Variants in WWOX observed in about 807,000 individuals in gnomAD.
The protein encoded by WWOX is WW domain containing oxidoreductase.
WWOX carries 69 observed loss-of-function variants against 46.2 expected under a neutral mutation model. The observed-to-expected ratio is 1.49, with a 90% CI of 1.23 to 1.82. The LOEUF is 1.82. Among genes scored for constraint, WWOX ranks in the 40% most tolerant of loss-of-function variants. The pLI, the probability that WWOX is intolerant of heterozygous loss-of-function variation, is 0.00. For missense variants in WWOX, 919 were observed against 542.6 expected (o/e 1.69, Z -6.89); for synonymous variants, 359 against 202.6 (o/e 1.77, Z -6.56).
At chr16:78,659,478 T>C (rs925668245) in intron 8 of WWOX, among the ~76,000 whole-genome samples, 15 of 152,142 alleles carry the variant, frequency 9.9e-5, no homozygotes, top group African/African-American at 2.9e-4. Context: ...AATCTAGTTT[T>C]AGCCCTCCAG....
intron 8 of WWOX, among the ~76,000 whole-genome samples, chr16:78,440,204 G>C (rs530151932): frequency 2.6e-5 from 4 of 152,090 alleles, no homozygotes; most frequent in Admixed American, 2.0e-4. Flanking sequence ...AAATGCTATC[G>C]ATTTTATAGG....
At chr16:78,750,679 G>T (rs187710638) in intron 8 of WWOX, among the ~76,000 whole-genome samples, 1 of 151,862 alleles carries the variant, frequency 6.6e-6, no homozygotes, top group Non-Finnish European at 1.5e-5. Flanking sequence ...AGAGTCTATT[G>T]TTCCTGTCTT....
chr16:78,213,248 C>T (rs1451482867), intron 5 of WWOX, among the ~76,000 whole-genome samples: 2 of 98,426 alleles, frequency 2.0e-5, no homozygotes, highest in Non-Finnish European at 3.9e-5. Context: ...GAGACTGTAT[C>T]TCAAAAAAAA....
In WWOX at chr16:78,450,341, A is replaced by G. The variant is rs1275280095; in HGVS notation, c.1056+17589A>G. Among the ~76,000 whole-genome samples the G allele has an allele frequency of 2.0e-5, 3 of 152,212 alleles. No homozygotes were observed. In the East Asian group the frequency reaches 5.8e-4, roughly 29 times the overall value. On this transcript the variant is annotated intron_variant, in intron 8 of 8. Transcript: ENST00000566780. The stretch of plus-strand genomic sequence containing the variant: ...ATTCTTTAAGAAGCCAAAGTAATCC[A>G]CGAGAATGTATGGTGTTTGTTCAGC...
At chr16:78,921,582 A>G (rs1387249264) in intron 8 of WWOX, among the ~76,000 whole-genome samples, 1 of 152,188 alleles carries the variant, frequency 6.6e-6, no homozygotes, top group Non-Finnish European at 1.5e-5. Context: ...TCACATTCTC[A>G]TTTCACTGAT....
intron 5 of WWOX, among the ~76,000 whole-genome samples, chr16:78,235,305 G>T (rs1014272455): frequency 2.6e-5 from 4 of 152,140 alleles, no homozygotes; most frequent in African/African-American, 9.7e-5. Flanking sequence ...TTTTGGAGAG[G>T]ATGTGTCACT....
intron 5 of WWOX, chr16:78,237,559 G>T (rs2037483953): frequency 6.6e-6 from 1 of 152,232 alleles, no homozygotes; most frequent in Admixed American, 6.5e-5. Context: ...TCTGGGAGAG[G>T]CCCCTGGTTG....
rs61207788 is a variant in WWOX at position 78,410,805 on chromosome 16, C to CAA, written c.606-14043_606-14042dup. ...TGGGTGAAAGAGCAAGGCCCCACCT[C>CAA]AAAAAAAAAAAAAAAAAAAAAAAGT... On this transcript the variant is annotated intron_variant, in intron 6 of 8. Coordinates refer to ENST00000566780, the MANE Select transcript of WWOX (RefSeq NM_016373.4). Among the ~76,000 whole-genome samples, 380 of 74,736 alleles carry CAA rather than the reference C, an allele frequency of 5.1e-3. 3 individuals are homozygous for CAA. The highest frequency in any genetic ancestry group is 0.01 in the African/African-American group (265 of 26,118). The allele number at this position is 74,736 out of a possible 152,430, so 49.0% of individuals were successfully genotyped here. A position where few individuals can be genotyped will look rare whatever the true frequency, so the allele number is the denominator to read the frequency against.
intron 1 of WWOX, among the ~76,000 whole-genome samples, chr16:78,104,794 C>G (rs900039823): frequency 6.6e-6 from 1 of 152,112 alleles, no homozygotes; most frequent in Non-Finnish European, 1.5e-5. Context: ...AAAAAGTCTT[C>G]TATTGAAAGG....
chr16:78,228,684 A>G (rs1009996051), intron 5 of WWOX, among the ~76,000 whole-genome samples: 4 of 152,188 alleles, frequency 2.6e-5, no homozygotes, highest in African/African-American at 9.7e-5. Context: ...AGATGACTTA[A>G]AAATTCACCT....
chr16:79,177,247 T>G lies in WWOX; in HGVS notation c.1057-34361T>G, dbSNP rs980202753. 3.3e-5 allele frequency among the ~76,000 whole-genome samples: 5 copies of G among 152,176 alleles called. 1 individual carries two copies. The South Asian group carries it at 1.0e-3, about 32-fold the overall frequency. On this transcript the variant is annotated intron_variant, in intron 8 of 8. Transcript: ENST00000566780. ...ATCTTATCAGCCGCGAGTGCCGTTG[T>G]GGCCGACTGAAAAGCGACTGTCATT...
At chr16:78,123,489 C>G (rs1597232444) in intron 4 of WWOX, 2 of 76,718 alleles carry the variant, frequency 2.6e-5, no homozygotes, top group Non-Finnish European at 5.1e-5. Context: ...ATGAAGTCTT[C>G]CTCTGTTGCC....
intron 8 of WWOX, among the ~76,000 whole-genome samples, chr16:78,983,762 G>GT (rs2046729099): frequency 6.6e-6 from 1 of 151,428 alleles, no homozygotes; most frequent in African/African-American, 2.4e-5. Flanking sequence ...CTTCTATTGT[G>GT]TTAAACCCCT....
intron 8 of WWOX, among the ~76,000 whole-genome samples, chr16:78,722,903 G>A (rs1369380820): frequency 4.6e-5 from 7 of 152,080 alleles, no homozygotes; most frequent in Non-Finnish European, 1.0e-4. Flanking sequence ...TTAGCCAGGC[G>A]CAGTGGCTCA....
intron 8 of WWOX, among the ~76,000 whole-genome samples, chr16:78,752,189 T>C (rs1030577564): frequency 1.1e-4 from 16 of 152,260 alleles, no homozygotes; most frequent in Admixed American, 3.9e-4. Context: ...ACTGAAAATA[T>C]ACCTTTAAGT....
At chr16:78,637,590 C>G (rs1254111339) in intron 8 of WWOX, among the ~76,000 whole-genome samples, 1 of 152,200 alleles carries the variant, frequency 6.6e-6, no homozygotes, top group Non-Finnish European at 1.5e-5. Flanking sequence ...CATCCCCTTT[C>G]CTTACTCACT....
rs181250413 is a variant in WWOX at position 78,154,116 on chromosome 16, C to T, written c.410-10067C>T. On this transcript the variant is annotated intron_variant, in intron 4 of 8. Coordinates refer to ENST00000566780, the MANE Select transcript of WWOX (RefSeq NM_016373.4). ...CTGTCTGGGTAAACAACTTGCCAAG[C>T]TCACCAGTGGCCCACAGGGCACCTT... Among the ~76,000 whole-genome samples, 616 of 152,302 alleles carry T rather than the reference C, an allele frequency of 4.0e-3. 5 individuals are homozygous for T. The highest frequency in any genetic ancestry group is 6.8e-3 in the Middle Eastern group (2 of 294).
At chr16:78,175,591 T>C (rs796825784) in intron 5 of WWOX, among the ~76,000 whole-genome samples, 17 of 152,270 alleles carry the variant, frequency 1.1e-4, no homozygotes, top group African/African-American at 3.9e-4. Context: ...CAACAAGGAA[T>C]TGAGGCCACC....
At chr16:78,908,459 G>C (rs1003358300) in intron 8 of WWOX, among the ~76,000 whole-genome samples, 3 of 151,388 alleles carry the variant, frequency 2.0e-5, no homozygotes, top group African/African-American at 4.9e-5. Flanking sequence ...AGAACTGCTT[G>C]AACCTGGGAG....
Sources: gnomAD v4.1 joint callset for allele counts (sites outside exome capture counted in the v4.1 genomes callset) on GRCh38, gnomAD v4.1.1 for gene constraint, MANE v1.5 for transcripts, NCBI Gene and HGNC (gene_info 2026-07-23, HGNC 2026-07-21) for gene names.